Variants in CNTLN observed in about 807,000 individuals in gnomAD.
The protein encoded by CNTLN is centlein, centrosomal protein.
Under a neutral mutation model 180.0 loss-of-function variants are expected in CNTLN, and 212 were observed. That is an observed-to-expected ratio of 1.18 (90% CI 1.05 to 1.32). The LOEUF (loss-of-function observed/expected upper bound fraction) is 1.32. CNTLN is among the 40% of genes most tolerant of loss of function. The pLI, the probability that CNTLN is intolerant of heterozygous loss-of-function variation, is 0.00. For missense variants in CNTLN, 2,095 were observed against 1,610.9 expected (o/e 1.30, Z -5.14); for synonymous variants, 722 against 563.1 (o/e 1.28, Z -3.99).
intron 23 of CNTLN, among the ~76,000 whole-genome samples, chr9:17,475,699 C>T (rs10756884): frequency 0.74 from 111,697 of 151,920 alleles, 45,480 homozygotes; most frequent in Non-Finnish European, 0.89. Flanking sequence ...GGTGAAACTC[C>T]GTCTCTACTA....
the CNTLN span, among the ~76,000 whole-genome samples, chr9:17,519,183 C>T: frequency 1.3e-5 from 2 of 151,278 alleles, no homozygotes; most frequent in Non-Finnish European, 2.9e-5. Flanking sequence ...CCACCTCAGC[C>T]TCCCAAAGTG....
At chr9:17,343,174 G>A (rs1006212064) in intron 12 of CNTLN, among the ~76,000 whole-genome samples, 2 of 152,098 alleles carry the variant, frequency 1.3e-5, no homozygotes, top group Admixed American at 6.5e-5. Flanking sequence ...TAATTCACAG[G>A]CTATTATATT....
intron 5 of CNTLN, among the ~76,000 whole-genome samples, chr9:17,267,524 T>G (rs916318664): frequency 1.3e-5 from 2 of 152,010 alleles, no homozygotes; most frequent in African/African-American, 4.8e-5. Context: ...GTCTTGGAGT[T>G]GCTCTTCTCG....
chr9:17,352,011 A>G (rs1000089917), intron 12 of CNTLN, among the ~76,000 whole-genome samples: 6 of 152,172 alleles, frequency 3.9e-5, no homozygotes, highest in Non-Finnish European at 5.9e-5. Flanking sequence ...CTGGGTGGCA[A>G]GTTTGTCAAT....
At chr9:17,497,485 C>T (rs1208954581) in intron 25 of CNTLN, among the ~76,000 whole-genome samples, 1 of 152,176 alleles carries the variant, frequency 6.6e-6, no homozygotes, top group Non-Finnish European at 1.5e-5. Context: ...AAGCATCTCC[C>T]CAACCCCAAG....
chr9:17,337,337 G>A (rs184399404), intron 10 of CNTLN, among the ~76,000 whole-genome samples: 454 of 152,016 alleles, frequency 3.0e-3, no homozygotes, highest in African/African-American at 0.01. Context: ...GTCAATTTTG[G>A]CTTTTGTTGC....
intron 2 of CNTLN, among the ~76,000 whole-genome samples, chr9:17,151,963 A>G (rs1818914040): frequency 6.6e-6 from 1 of 152,154 alleles, no homozygotes; most frequent in Admixed American, 6.5e-5. Flanking sequence ...TGTTTATAGT[A>G]TTCTCTGATG....
intron 9 of CNTLN, among the ~76,000 whole-genome samples, chr9:17,331,304 G>T (rs1820628096): frequency 6.6e-6 from 1 of 151,374 alleles, no homozygotes; most frequent in Non-Finnish European, 1.5e-5. Context: ...AGATTTAAAG[G>T]GATAGCATTA....
intron 7 of CNTLN, 69 bp from the exon 8 acceptor site, chr9:17,308,989 C>T: frequency 9.4e-7 from 1 of 1,062,272 alleles, no homozygotes; most frequent in African/African-American, 1.6e-5. Flanking sequence ...TACACACACA[C>T]ACACACAGAC....
chr9:17,229,853 G>A lies in CNTLN; in HGVS notation c.534+3566G>A, dbSNP rs1824703204. On this transcript the variant is annotated intron_variant, in intron 3 of 25. Coordinates refer to ENST00000380647, the MANE Select transcript of CNTLN (RefSeq NM_017738.4). ...GGCTAGATATTAGGCTGTCTCCACTGTTCGCTGTGGTATGAGTTAGAGGCA... is the reference window on the plus strand; with the variant it reads ...GGCTAGATATTAGGCTGTCTCCACTATTCGCTGTGGTATGAGTTAGAGGCA... Among the ~76,000 whole-genome samples the A allele has an allele frequency of 2.0e-5, 3 of 152,268 alleles. No homozygotes were observed. The South Asian group carries it at 6.2e-4, about 32-fold the overall frequency.
At chr9:17,192,334 G>C (rs1373330583) in intron 2 of CNTLN, among the ~76,000 whole-genome samples, 1 of 151,568 alleles carries the variant, frequency 6.6e-6, no homozygotes, top group African/African-American at 2.4e-5. Flanking sequence ...TGCCTCCCGG[G>C]TTCAAGCGAT....
intron 5 of CNTLN, among the ~76,000 whole-genome samples, chr9:17,247,779 CTTT>C (rs572267371): frequency 9.2e-6 from 1 of 108,464 alleles, no homozygotes. Context: ...AATACTTTTA[CTTT>C]TTTTTTTTTT....
intron 6 of CNTLN, among the ~76,000 whole-genome samples, chr9:17,274,819 T>C (rs1012714238): frequency 2.6e-5 from 4 of 152,090 alleles, no homozygotes; most frequent in Non-Finnish European, 4.4e-5. Context: ...GTTTATGACG[T>C]AGTTTTTATA....
chr9:17,165,956 C>G (rs747817477), intron 2 of CNTLN, among the ~76,000 whole-genome samples: 28 of 152,220 alleles, frequency 1.8e-4, no homozygotes, highest in Non-Finnish European at 3.7e-4. Context: ...CCTCCACCCC[C>G]ATCCTAGGTC....
chr9:17,475,429 T>A (rs548031787), intron 23 of CNTLN, among the ~76,000 whole-genome samples: 64 of 151,648 alleles, frequency 4.2e-4, no homozygotes, highest in African/African-American at 1.5e-3. Flanking sequence ...AATAAAAATA[T>A]TTAATTTGTA....
chr9:17,367,963 A>G (rs1823973113), intron 13 of CNTLN, among the ~76,000 whole-genome samples: 1 of 152,166 alleles, frequency 6.6e-6, no homozygotes, highest in African/African-American at 2.4e-5. Context: ...TGAGAAAAGC[A>G]GAGGGAAAAG....
chr9:17,405,647 C>G (rs954846199), intron 15 of CNTLN, among the ~76,000 whole-genome samples: 2 of 151,690 alleles, frequency 1.3e-5, no homozygotes, highest in African/African-American at 4.9e-5. Context: ...AAGATGTGAA[C>G]TTTGGAGGAC....
intron 16 of CNTLN, among the ~76,000 whole-genome samples, chr9:17,413,594 T>C (rs746574425): frequency 3.3e-5 from 5 of 152,082 alleles, no homozygotes; most frequent in Non-Finnish European, 5.9e-5. Context: ...AGTTACAAAA[T>C]AGGCAGAAGA....
chr9:17,171,925 A>C (rs1435373069), intron 2 of CNTLN, among the ~76,000 whole-genome samples: 3 of 152,156 alleles, frequency 2.0e-5, no homozygotes, highest in Non-Finnish European at 4.4e-5. Context: ...GCCAGGGTCC[A>C]TAGTGCAGTT....
Sources: gnomAD v4.1 joint callset for allele counts (sites outside exome capture counted in the v4.1 genomes callset) on GRCh38, gnomAD v4.1.1 for gene constraint, MANE v1.5 for transcripts, NCBI Gene and HGNC (gene_info 2026-07-23, HGNC 2026-07-21) for gene names.